SF3B2: variants seen among roughly 807,000 people sequenced by gnomAD.
SF3B2 encodes splicing factor 3b subunit 2.
A neutral mutation model predicts 116.3 loss-of-function variants in SF3B2; 22 were observed. The observed-to-expected ratio is 0.19, with a 90% CI of 0.14 to 0.27. The LOEUF is 0.27. SF3B2 is among the 10% of genes least tolerant of loss of function. SF3B2 has a pLI of 1.00. For synonymous variants in SF3B2, 406 were observed against 421.6 expected (o/e 0.96, Z 0.45); for missense variants, 767 against 1,151.4 (o/e 0.67, Z 4.83).
At chr11:66,054,944 C>A in intron 3 of SF3B2, 132 bp from the exon 4 acceptor site, 1 of 825,970 alleles carries the variant, frequency 1.2e-6, no homozygotes, top group African/African-American at 1.7e-5. Flanking sequence ...GTGGAGCATT[C>A]TCTCTTATGG....
At chr11:66,068,517 G>C (rs1857230427) in intron 21 of SF3B2, 157 bp from the exon 22 acceptor site, 11 of 835,758 alleles carry the variant, frequency 1.3e-5, no homozygotes, top group Admixed American at 5.6e-5. Context: ...CGATGAGGGG[G>C]AGGAACTCAG....
intron 14 of SF3B2, 106 bp downstream of exon 14, chr11:66,060,837 T>C: frequency 5.5e-6 from 7 of 1,263,902 alleles, no homozygotes; most frequent in Non-Finnish European, 7.7e-6. Context: ...TCTCACCCTG[T>C]TATCCAGGCT....
rs368653791 is a variant in SF3B2 at position 66,055,258 on chromosome 11, G to T, written c.441G>T (p.Leu147=). The change falls in exon 4 of 22, where the codon CTG becomes CTT. Residue 147 remains leucine (L), a synonymous_variant. Coordinates refer to ENST00000322535, the MANE Select transcript of SF3B2 (RefSeq NM_006842.3). ...TGGCACTGTCAGAGGAGGAGCGGCT[G>T]AAGTTGGCTCAGCAGCAGGCGGCAT... ...EPVALSEEER[L]KLAQQQAALL... is the part of the protein sequence containing the mutation. 5.0e-6 allele frequency: 8 copies of T among 1,613,868 alleles called. No individual in the cohort carries two copies. The highest frequency in any genetic ancestry group is 5.1e-6 in the Non-Finnish European group (6 of 1,179,982).
chr11:66,058,167 C>T lies in SF3B2; in HGVS notation c.874+17C>T. On this transcript the variant is annotated intron_variant, in intron 8 of 21. Coordinates refer to ENST00000322535, the MANE Select transcript of SF3B2 (RefSeq NM_006842.3). ...CTCAGCAGGGTGAGTGCCAGGCGTT[C>T]TGATGCTGTAGCCACAGAACCTGGA... The T allele has an allele frequency of 6.2e-7, 1 of 1,603,354 alleles. No individual in the cohort carries two copies.
chr11:66,055,060 C>T lies in SF3B2; in HGVS notation c.259-16C>T. On this transcript the variant is annotated splice_polypyrimidine_tract_variant and intron_variant, in intron 3 of 21. Transcript: ENST00000322535. ...GATAAATGCTTCCTAGTTTTATGAT[C>T]ATATTTTCTCCACAGCTCCCTGGAA... 6.7e-7 allele frequency: 1 copy of T among 1,499,792 alleles called. No homozygotes were observed. The highest frequency in any genetic ancestry group is 8.9e-7 in the Non-Finnish European group (1 of 1,123,428). 92.9% of individuals were successfully genotyped at this position (1,499,792 alleles called of 1,614,324 possible).
Position 66,068,811 on chromosome 11 carries a change from C to G in SF3B2, c.*66C>G, listed in dbSNP as rs960436034. ...TGCCTGGGCTTCACACAAGAACCAC[C>G]TCTCCCGCAGTTCCCAAGGACTTGT... On this transcript the variant is annotated 3_prime_UTR_variant, in exon 22 of 22. Coordinates refer to ENST00000322535, the MANE Select transcript of SF3B2 (RefSeq NM_006842.3). 4 of 1,250,144 alleles carry G rather than the reference C, an allele frequency of 3.2e-6. No homozygotes were observed. The highest frequency in any genetic ancestry group is 2.3e-6 in the Non-Finnish European group (2 of 856,608). The allele number at this position is 1,250,144 out of a possible 1,614,324, so 77.4% of individuals were successfully genotyped here. A position where few individuals can be genotyped will look rare whatever the true frequency, so the allele number is the denominator to read the frequency against.
At chr11:66,057,225 T>C (rs749008352) in intron 6 of SF3B2, 41 bp from the exon 7 acceptor site, 2 of 1,257,672 alleles carry the variant, frequency 1.6e-6, no homozygotes, top group Non-Finnish European at 2.3e-6. Flanking sequence ...CGTGAGTGTT[T>C]TGCCTCTTCT....
At chr11:66,062,608 TAAAGTA>T (rs1199136806) in intron 16 of SF3B2, among the ~76,000 whole-genome samples, 1 of 152,122 alleles carries the variant, frequency 6.6e-6, no homozygotes, top group Non-Finnish European at 1.5e-5. Context: ...GATGAGTCAT[TAAAGTA>T]AAACAGTAGT....
chr11:66,067,584 C>A (rs1436046816), intron 19 of SF3B2: 1 of 464,934 alleles, frequency 2.2e-6, no homozygotes, highest in Admixed American at 2.3e-5. Flanking sequence ...GCATGACATT[C>A]TTCGGGTGGG....
chr11:66,063,175 G>A (rs905418676), intron 17 of SF3B2, 59 bp downstream of exon 17: 1 of 1,307,470 alleles, frequency 7.6e-7, no homozygotes, highest in Non-Finnish European at 1.1e-6. Context: ...TTAGATTGTT[G>A]GTTTATAGCT....
chr11:66,057,229 C>T, intron 6 of SF3B2, 37 bp from the exon 7 acceptor site: 1 of 1,303,664 alleles, frequency 7.7e-7, no homozygotes, highest in Non-Finnish European at 1.1e-6. Context: ...AGTGTTTTGC[C>T]TCTTCTGACA....
In SF3B2 at chr11:66,058,842, C is replaced by T. The variant is rs749980953; in HGVS notation, c.979C>T (p.Arg327Cys). The T allele has an allele frequency of 9.3e-6, 15 of 1,610,366 alleles. No individual in the cohort carries two copies. Among genetic ancestry groups the T allele is most frequent in the South Asian group, 5.5e-5 (5 of 90,810 alleles). The change falls in exon 10 of 22, where the codon CGT becomes TGT. Residue 327 changes from arginine (R) to cysteine (C), a missense_variant. Around this residue, in one of 4 missense-constraint regions of SF3B2, gnomAD observed 455 missense variants for 537.5 expected, o/e 0.85. Coordinates refer to ENST00000322535, the MANE Select transcript of SF3B2 (RefSeq NM_006842.3). ...CTCCTCTTGACAGAAAAACCGGAAGCGTAGGAACCGAAAGAAGAAGAAAAA... is the reference window on the plus strand; with the variant it reads ...CTCCTCTTGACAGAAAAACCGGAAGTGTAGGAACCGAAAGAAGAAGAAAAA... ...SVSKKEKNRK[R>C]RNRKKKKKPQ...
rs373693836 is a variant in SF3B2, at chr11:66,063,720, C to T, written c.2321C>T (p.Ala774Val). The change falls in exon 19 of 22, where the codon GCG (alanine) becomes GTG (valine). Residue 774 changes from alanine to valine, a missense_variant. Around this residue, in one of 4 missense-constraint regions of SF3B2, gnomAD observed 282 missense variants for 568.0 expected, o/e 0.50. Coordinates refer to ENST00000322535, the MANE Select transcript of SF3B2 (RefSeq NM_006842.3). The part of the protein sequence containing the change: ...IELRKKKIEE[A>V]MDGSETPQLF... ...CTGAGGAAGAAGAAGATTGAGGAGG[C>T]GATGGACGGGTAAGGGTACCAGACA... 2.4e-5 allele frequency: 39 copies of T among 1,610,828 alleles called. No homozygotes were observed. Among genetic ancestry groups the T allele is most frequent in the Middle Eastern group, 3.4e-4 (2 of 5,838 alleles).
chr11:66,055,118 C>T lies in SF3B2; in HGVS notation c.301C>T (p.Pro101Ser), dbSNP rs775280803. ...GCCACCACCACCTTTGGGACTCCCC[C>T]CTCTGCAGCCTCCTCCGCCACCCCC... Reference protein sequence around the residue: ...PMPPPPLGLPPLQPPPPPPPP... With the variant: ...PMPPPPLGLPSLQPPPPPPPP... The change falls in exon 4 of 22, where the codon CCT (proline) becomes TCT (serine). Residue 101 changes from proline to serine, a missense_variant. Transcript: ENST00000322535. 8.4e-6 allele frequency: 13 copies of T among 1,556,322 alleles called. No homozygotes were observed. Among genetic ancestry groups the T allele is most frequent in the South Asian group, 3.6e-5 (3 of 83,294 alleles).
At chr11:66,067,698 C>T in intron 19 of SF3B2, 1 of 520,780 alleles carries the variant, frequency 1.9e-6, no homozygotes. Context: ...TGTGGGAGTC[C>T]TGGTCTGTGA....
intron 2 of SF3B2, 37 bp from the exon 3 acceptor site, chr11:66,052,990 A>G: frequency 1.3e-6 from 2 of 1,594,408 alleles, no homozygotes; most frequent in Non-Finnish European, 1.7e-6. Context: ...TGAAACAGCT[A>G]GTTTTGGACT....
intron 21 of SF3B2, 114 bp downstream of exon 21, chr11:66,068,447 C>A: frequency 1.8e-6 from 2 of 1,120,008 alleles, no homozygotes; most frequent in Non-Finnish European, 1.3e-6. Flanking sequence ...GCTTGCTGCT[C>A]TGTGCTTCCT....
At position 66,052,656 on chromosome 11, in the gene SF3B2, T is replaced by A; in HGVS notation, c.134-17T>A. On this transcript the variant is annotated splice_polypyrimidine_tract_variant and intron_variant, in intron 1 of 21. Coordinates refer to ENST00000322535, the MANE Select transcript of SF3B2 (RefSeq NM_006842.3). The stretch of plus-strand genomic sequence containing the variant: ...CCGGGCTGGCCTGCCCCATTGATCG[T>A]GTACTTTGCCCTGCAGGTAATCGCG... 6.3e-7 allele frequency: 1 copy of A among 1,597,472 alleles called. No homozygotes were observed. The highest frequency in any genetic ancestry group is 1.3e-5 in the African/African-American group (1 of 74,242).
chr11:66,056,780 A>AG, intron 5 of SF3B2, 58 bp from the exon 6 acceptor site: 1 of 1,327,786 alleles, frequency 7.5e-7, no homozygotes, highest in East Asian at 2.3e-5. Flanking sequence ...TGCATTTGCC[A>AG]GGGGCTGCCT....
Sources: allele counts gnomAD v4.1 joint callset (sites outside exome capture counted in the v4.1 genomes callset), GRCh38; gene constraint gnomAD v4.1.1; regional missense constraint gnomAD v4.1.1; transcripts MANE v1.5; gene names NCBI Gene and HGNC (gene_info 2026-07-23, HGNC 2026-07-21).